The following MYOZ2 variants were observed in gnomAD, a reference collection of about 807,000 sequenced individuals.
MYOZ2 encodes the protein myozenin 2, also known as myozenin-2.
MYOZ2 carries 19 observed loss-of-function variants against 25.4 expected under a neutral mutation model. That is an observed-to-expected ratio of 0.75 (90% CI 0.52 to 1.10). The LOEUF (loss-of-function observed/expected upper bound fraction) is 1.10, where lower values mean the gene tolerates loss of function less well. Among genes scored for constraint, MYOZ2 ranks in the 50% least tolerant of loss-of-function variants. The probability of loss-of-function intolerance (pLI) is 0.00; values close to 1 mark genes in which losing one functional copy is unlikely to be tolerated. For synonymous variants in MYOZ2, 92 were observed against 106.9 expected, an observed-to-expected ratio of 0.86 and a Z score of 0.86; for missense variants, 270 against 317.9, an observed-to-expected ratio of 0.85 and a Z score of 1.15.
chr4:119,157,905 A>G (rs1741617020), intron 3 of MYOZ2, 117 bp from the exon 4 acceptor site: 12 of 1,285,080 alleles, frequency 9.3e-6, no homozygotes, highest in Non-Finnish European at 1.3e-5. Flanking sequence ...CCAGGAAGTA[A>G]TGAAGCGACA....
chr4:119,149,765 A>G (rs116020317), intron 2 of MYOZ2, among the ~76,000 whole-genome samples: 3,747 of 152,262 alleles, frequency 0.025, 140 homozygotes, highest in African/African-American at 0.085. Context: ...TCTTCCCAGA[A>G]GCAAAAATCT....
intron 4 of MYOZ2, among the ~76,000 whole-genome samples, chr4:119,163,613 CAAAATA>C (rs959638596): frequency 6.6e-6 from 1 of 151,976 alleles, no homozygotes; most frequent in Non-Finnish European, 1.5e-5. Flanking sequence ...TCTTGAGGAA[CAAAATA>C]AAAAGGGGAT....
intron 5 of MYOZ2, among the ~76,000 whole-genome samples, chr4:119,167,127 A>T (rs115270510): frequency 2.5e-3 from 384 of 152,336 alleles, no homozygotes; most frequent in Non-Finnish European, 3.9e-3. Context: ...ATAAGCTGAA[A>T]GCTAGGCCTC....
At chr4:119,178,461 A>T (rs1742122684) in intron 5 of MYOZ2, among the ~76,000 whole-genome samples, 2 of 152,296 alleles carry the variant, frequency 1.3e-5, no homozygotes, top group South Asian at 4.1e-4. Flanking sequence ...TCTAGCTCCA[A>T]ATGGGCTCCT....
chr4:119,175,563 C>T (rs1278150250), intron 5 of MYOZ2, among the ~76,000 whole-genome samples: 1 of 151,944 alleles, frequency 6.6e-6, no homozygotes, highest in Non-Finnish European at 1.5e-5. Context: ...ACCACCCTGG[C>T]CAACATGGTG....
rs112369914 is a variant in MYOZ2 at position 119,185,943 on chromosome 4, GT to G, written c.561-13del. Reference sequence around the variant, plus strand: ...CAAATTTGAATATTAATTGAGATCTGTTTTTTTTTTAATTTCCCACAGGGTT... The same window carrying G: ...CAAATTTGAATATTAATTGAGATCTGTTTTTTTTTAATTTCCCACAGGGTT... On this transcript the variant is annotated intron_variant, in intron 5 of 5. Coordinates refer to ENST00000307128, the MANE Select transcript of MYOZ2 (RefSeq NM_016599.5). 8.2e-4 allele frequency: 1,174 copies of G among 1,440,188 alleles called. 1 individual carries two copies. The highest frequency in any genetic ancestry group is 9.2e-4 in the Non-Finnish European group (962 of 1,044,884). The allele number at this position is 1,440,188 out of a possible 1,614,324, so 89.2% of individuals were successfully genotyped here. A position where few individuals can be genotyped will look rare whatever the true frequency, so the allele number is the denominator to read the frequency against.
chr4:119,139,141 A>G (rs896271673), intron 2 of MYOZ2, among the ~76,000 whole-genome samples: 15 of 152,186 alleles, frequency 9.9e-5, no homozygotes, highest in African/African-American at 3.6e-4. Flanking sequence ...AGAAGCAAAT[A>G]TACTACACTC....
chr4:119,152,956 T>C (rs10026383), intron 3 of MYOZ2, among the ~76,000 whole-genome samples: 8,226 of 152,100 alleles, frequency 0.054, 349 homozygotes, highest in African/African-American at 0.12. Context: ...CCAATTTCTC[T>C]CATGGTGTAA....
chr4:119,168,448 T>A (rs1741873566), intron 5 of MYOZ2, among the ~76,000 whole-genome samples: 1 of 152,152 alleles, frequency 6.6e-6, no homozygotes, highest in African/African-American at 2.4e-5. Flanking sequence ...CTGAAAAGAA[T>A]TCACCATTCT....
intron 2 of MYOZ2, among the ~76,000 whole-genome samples, chr4:119,139,577 A>G (rs1741115198): frequency 1.3e-5 from 2 of 152,176 alleles, no homozygotes; most frequent in African/African-American, 2.4e-5. Flanking sequence ...AGGAAAGGAT[A>G]AAAGGATAGG....
At chr4:119,159,985 A>G (rs1042769111) in intron 4 of MYOZ2, among the ~76,000 whole-genome samples, 6 of 152,176 alleles carry the variant, frequency 3.9e-5, no homozygotes, top group Non-Finnish European at 8.8e-5. Flanking sequence ...TATCTACATC[A>G]TCAACCACAT....
At chr4:119,137,097 C>G (rs1003173063) in intron 2 of MYOZ2, among the ~76,000 whole-genome samples, 2 of 151,950 alleles carry the variant, frequency 1.3e-5, no homozygotes, top group Non-Finnish European at 2.9e-5. Context: ...ATTTATTTAA[C>G]CCTTCATATT....
chr4:119,137,174 A>G (rs994658088), intron 2 of MYOZ2, among the ~76,000 whole-genome samples: 7 of 152,154 alleles, frequency 4.6e-5, no homozygotes, highest in African/African-American at 1.7e-4. Flanking sequence ...CTGAGAAAAT[A>G]TAAAGTTATT....
chr4:119,154,689 A>G (rs887990139), intron 3 of MYOZ2, among the ~76,000 whole-genome samples: 2 of 152,162 alleles, frequency 1.3e-5, no homozygotes, highest in Non-Finnish European at 2.9e-5. Context: ...AACTTCCTAA[A>G]TTTATCTCAA....
At chr4:119,141,119 G>C (rs1438182714) in intron 2 of MYOZ2, among the ~76,000 whole-genome samples, 1 of 152,204 alleles carries the variant, frequency 6.6e-6, no homozygotes. Context: ...TAGGCCAACT[G>C]TCCAGGGACA....
chr4:119,187,306 T>C lies in MYOZ2; in HGVS notation c.*1106T>C, dbSNP rs1005094454. ...TAGAAATCAGTATCAATTCCTCCCA[T>C]TTCAATTCAGTTAAGACTTCTGTGA... is the stretch of plus-strand genomic sequence containing the variant. On this transcript the variant is annotated 3_prime_UTR_variant, in exon 6 of 6. Coordinates refer to ENST00000307128, the MANE Select transcript of MYOZ2 (RefSeq NM_016599.5). 1 of 152,150 alleles carries C rather than the reference T, an allele frequency of 6.6e-6. No homozygotes were observed. Among genetic ancestry groups the C allele is most frequent in the African/African-American group, 2.4e-5 (1 of 41,448 alleles). 9.4% of individuals were successfully genotyped at this position (152,150 alleles called of 1,614,324 possible). A position where few individuals can be genotyped will look rare whatever the true frequency, so the allele number is the denominator to read the frequency against.
intron 2 of MYOZ2, 79 bp downstream of exon 2, chr4:119,136,680 T>C (rs935573483): frequency 7.1e-6 from 10 of 1,402,402 alleles, no homozygotes; most frequent in African/African-American, 4.3e-5. Flanking sequence ...TAATATTCCA[T>C]AGTTTACTTC....
chr4:119,145,037 T>C (rs1286399259), intron 2 of MYOZ2, among the ~76,000 whole-genome samples: 1 of 152,174 alleles, frequency 6.6e-6, no homozygotes, highest in Non-Finnish European at 1.5e-5. Context: ...CCCAAAGATA[T>C]ACTAAAGTGA....
rs1399546194 is a variant in MYOZ2 at position 119,187,659 on chromosome 4, A to G, written c.*1459A>G. 1 of 152,046 alleles carries G rather than the reference A, an allele frequency of 6.6e-6. No homozygotes were observed. The highest frequency in any genetic ancestry group is 1.5e-5 in the Non-Finnish European group (1 of 67,996). The allele number at this position is 152,046 out of a possible 1,614,324, so 9.4% of individuals were successfully genotyped here. ...TTAAGATATCTTAATTTTATTTATA[A>G]GTTTTGGTGTTTACCTGTTTTAAAA... On this transcript the variant is annotated 3_prime_UTR_variant, in exon 6 of 6. Coordinates refer to ENST00000307128, the MANE Select transcript of MYOZ2 (RefSeq NM_016599.5).
Sources: gnomAD v4.1 joint callset for allele counts (sites outside exome capture counted in the v4.1 genomes callset) on GRCh38, gnomAD v4.1.1 for gene constraint, MANE v1.5 for transcripts, NCBI Gene and HGNC (gene_info 2026-07-23, HGNC 2026-07-21) for gene names.